ATP10A: variants seen among roughly 807,000 people sequenced by gnomAD.
ATP10A encodes the protein ATPase phospholipid transporting 10A (putative).
ATP10A carries 111 observed loss-of-function variants against 147.8 expected under a neutral mutation model. The ratio of observed to expected loss-of-function variants is 0.75; its 90% confidence interval spans 0.64 to 0.88. The LOEUF (loss-of-function observed/expected upper bound fraction) is 0.88. Ranked by LOEUF, ATP10A falls within the 40% of genes least tolerant of loss-of-function variation. The pLI, the probability that ATP10A is intolerant of heterozygous loss-of-function variation, is 0.00. For missense variants in ATP10A, 1,927 were observed against 1,959.0 expected (o/e 0.98, Z 0.31); for synonymous variants, 875 against 841.6 (o/e 1.04, Z -0.69).
chr15:25,693,554 G>A (rs1900149519), intron 14 of ATP10A, among the ~76,000 whole-genome samples: 1 of 146,694 alleles, frequency 6.8e-6, no homozygotes, highest in African/African-American at 2.5e-5. Flanking sequence ...CCCAGGGAAG[G>A]ACGCTGACGC....
chr15:25,771,354 G>A (rs1889325617), intron 2 of ATP10A, among the ~76,000 whole-genome samples: 1 of 152,088 alleles, frequency 6.6e-6, no homozygotes, highest in Non-Finnish European at 1.5e-5. Context: ...AGGACTGCTT[G>A]AGCCCAGGAG....
At chr15:25,738,644 A>T (rs1287342856) in intron 2 of ATP10A, 1 of 152,226 alleles carries the variant, frequency 6.6e-6, no homozygotes, top group Non-Finnish European at 1.5e-5. Context: ...GACTGAGAAG[A>T]AATGAAATAA....
chr15:25,721,997 A>G (rs1902268750), intron 6 of ATP10A, 88 bp from the exon 7 acceptor site: 2 of 1,410,090 alleles, frequency 1.4e-6, no homozygotes, highest in African/African-American at 1.4e-5. Flanking sequence ...ACAAATGACT[A>G]CAACCGCAAG....
chr15:25,749,060 C>CAAAAAAA (rs1171259548), intron 2 of ATP10A, among the ~76,000 whole-genome samples: 1 of 67,480 alleles, frequency 1.5e-5, no homozygotes, highest in Non-Finnish European at 2.8e-5. Flanking sequence ...GAGACTCTGT[C>CAAAAAAA]AAAAAAAAAA....
chr15:25,846,923 C>T (rs887585227), intron 1 of ATP10A, among the ~76,000 whole-genome samples: 40 of 151,986 alleles, frequency 2.6e-4, no homozygotes, highest in African/African-American at 9.6e-4. Context: ...ATACACACAC[C>T]CCCACTTTGG....
chr15:25,681,332 G>C (rs1899397854), intron 17 of ATP10A, among the ~76,000 whole-genome samples: 1 of 152,072 alleles, frequency 6.6e-6, no homozygotes, highest in African/African-American at 2.4e-5. Flanking sequence ...ACCTCAAACA[G>C]GCACCATCTT....
At chr15:25,705,466 A>C (rs147074116) in intron 12 of ATP10A, among the ~76,000 whole-genome samples, 738 of 2,480 alleles carry the variant, frequency 0.3, 27 homozygotes, top group East Asian at 0.43. Flanking sequence ...AAAAAAAAAA[A>C]CAAAAAAAAT....
chr15:25,850,305 A>G (rs544501204), intron 1 of ATP10A, among the ~76,000 whole-genome samples: 20 of 152,078 alleles, frequency 1.3e-4, no homozygotes, highest in African/African-American at 4.6e-4. Context: ...TCCTCTCACA[A>G]TGCTCTCGGT....
intron 13 of ATP10A, among the ~76,000 whole-genome samples, chr15:25,698,853 T>C (rs1454903292): frequency 6.6e-6 from 1 of 152,126 alleles, no homozygotes; most frequent in Non-Finnish European, 1.5e-5. Context: ...CCATCATAAG[T>C]TGAGGAGCAT....
intron 2 of ATP10A, among the ~76,000 whole-genome samples, chr15:25,750,721 T>C (rs892970502): frequency 5.3e-5 from 8 of 151,746 alleles, no homozygotes; most frequent in African/African-American, 1.9e-4. Context: ...ATGATGATGA[T>C]GATGATGATG....
At chr15:25,789,987 T>C (rs1194417351) in intron 1 of ATP10A, among the ~76,000 whole-genome samples, 1 of 152,178 alleles carries the variant, frequency 6.6e-6, no homozygotes, top group Non-Finnish European at 1.5e-5. Flanking sequence ...GAAAATGGAT[T>C]ATTAAGTAAA....
intron 1 of ATP10A, among the ~76,000 whole-genome samples, chr15:25,781,868 T>C (rs28818240): frequency 6.6e-6 from 1 of 152,112 alleles, no homozygotes; most frequent in Admixed American, 6.5e-5. Flanking sequence ...TCTAGGAAGA[T>C]ATGAATATTC....
chr15:25,694,220 T>C (rs1900186580), intron 14 of ATP10A, among the ~76,000 whole-genome samples: 1 of 152,206 alleles, frequency 6.6e-6, no homozygotes, highest in African/African-American at 2.4e-5. Context: ...GCCAACAGTG[T>C]CTGCCAGGAA....
At chr15:25,675,624 C>T (rs1041816456), downstream of ATP10A, among the ~76,000 whole-genome samples, 1 of 152,008 alleles carries the variant, frequency 6.6e-6, no homozygotes, top group African/African-American at 2.4e-5. Context: ...AGAGCTTGCT[C>T]AGACCACCAA....
At chr15:25,715,149 T>C (rs995035387) in intron 9 of ATP10A, among the ~76,000 whole-genome samples, 1 of 152,200 alleles carries the variant, frequency 6.6e-6, no homozygotes, top group Non-Finnish European at 1.5e-5. Flanking sequence ...TCCTAAGTTG[T>C]GAATTACAGT....
At chr15:25,821,144 A>T (rs1891860541) in intron 1 of ATP10A, among the ~76,000 whole-genome samples, 2 of 152,250 alleles carry the variant, frequency 1.3e-5, no homozygotes, top group African/African-American at 4.8e-5. Context: ...TCATGCCTAC[A>T]ATCCCAGCGT....
At chr15:25,705,440 C>CAAAAAAAAAAAACA (rs1900919786) in intron 12 of ATP10A, among the ~76,000 whole-genome samples, 3 of 86,226 alleles carry the variant, frequency 3.5e-5, no homozygotes, top group East Asian at 4.6e-4. Context: ...TGTCTCAAAG[C>CAAAAAAAAAAAACA]AAAAAAAAAA....
At chr15:25,836,636 C>T (rs1892609252) in intron 1 of ATP10A, among the ~76,000 whole-genome samples, 1 of 152,208 alleles carries the variant, frequency 6.6e-6, no homozygotes, top group Non-Finnish European at 1.5e-5. Flanking sequence ...CTCCCTGTTC[C>T]CTCAGGCAGC....
Position 25,725,985 on chromosome 15 carries a change from C to G in ATP10A, c.945G>C (p.Leu315=). Residue 315 remains leucine, a synonymous_variant, in exon 5 of 21, where the codon CTG becomes CTC. Transcript: ENST00000555815. Reference sequence around the variant, plus strand: ...AAAACAGAGACATGCAAACAAGGAGCAGGACACACCAGAGCACGTCGCAGT... The same window carrying G: ...AAAACAGAGACATGCAAACAAGGAGGAGGACACACCAGAGCACGTCGCAGT... The part of the protein sequence containing the change: ...QMNCDVLWCV[L]LLVCMSLFSA... The G allele has an allele frequency of 6.2e-7, 1 of 1,613,956 alleles. No homozygotes were observed. The highest frequency in any genetic ancestry group is 8.5e-7 in the Non-Finnish European group (1 of 1,179,906).
Sources: gnomAD v4.1 joint callset for allele counts (sites outside exome capture counted in the v4.1 genomes callset) on GRCh38, gnomAD v4.1.1 for gene constraint, MANE v1.5 for transcripts, NCBI Gene and HGNC (gene_info 2026-07-23, HGNC 2026-07-21) for gene names.